CPEB3: variants seen among roughly 807,000 people sequenced by gnomAD.
CPEB3 encodes the protein cytoplasmic polyadenylation element-binding protein 3.
Under a neutral mutation model 67.2 loss-of-function variants are expected in CPEB3, and 20 were observed. The observed-to-expected ratio is 0.30, with a 90% CI of 0.21 to 0.43. The LOEUF (loss-of-function observed/expected upper bound fraction) is 0.43. Among genes scored for constraint, CPEB3 ranks in the 20% least tolerant of loss-of-function variants. CPEB3 has a pLI of 1.00. For synonymous variants in CPEB3, 376 were observed against 393.1 expected, an observed-to-expected ratio of 0.96 and a Z score of 0.51; for missense variants, 746 against 968.6, an observed-to-expected ratio of 0.77 and a Z score of 3.05.
chr10:92,268,991 A>G (rs1452156234), intron 1 of CPEB3, among the ~76,000 whole-genome samples: 1 of 152,210 alleles, frequency 6.6e-6, no homozygotes, highest in Admixed American at 6.5e-5. Context: ...TATAGCTGCA[A>G]TTAAGTCCTC....
intron 7 of CPEB3, among the ~76,000 whole-genome samples, chr10:92,093,438 C>A (rs1043120140): frequency 9.9e-5 from 15 of 151,998 alleles, no homozygotes; most frequent in Non-Finnish European, 2.1e-4. Context: ...GCACCTGTGG[C>A]AATTATACTT....
At chr10:92,238,949 T>A (rs552792982) in intron 2 of CPEB3, among the ~76,000 whole-genome samples, 1 of 152,156 alleles carries the variant, frequency 6.6e-6, no homozygotes, top group Non-Finnish European at 1.5e-5. Flanking sequence ...GAGCTCAGGA[T>A]TGCATAACCT....
chr10:92,288,271 G>T (rs190515028), intron 1 of CPEB3, among the ~76,000 whole-genome samples: 1 of 152,054 alleles, frequency 6.6e-6, no homozygotes, highest in African/African-American at 2.4e-5. Context: ...ACCAGCCTGG[G>T]CAACATGGCA....
chr10:92,270,126 C>T (rs767582171), intron 1 of CPEB3, among the ~76,000 whole-genome samples: 3 of 152,164 alleles, frequency 2.0e-5, no homozygotes, highest in Non-Finnish European at 4.4e-5. Flanking sequence ...AGTAGGGAAA[C>T]AGTACTGAGC....
chr10:92,061,965 G>T (rs1459669039), intron 9 of CPEB3, among the ~76,000 whole-genome samples: 1 of 152,006 alleles, frequency 6.6e-6, no homozygotes, highest in Non-Finnish European at 1.5e-5. Flanking sequence ...AATTTGGCTT[G>T]GCACAGTGGT....
At chr10:92,100,692 C>T (rs1320566447) in intron 7 of CPEB3, among the ~76,000 whole-genome samples, 2 of 152,046 alleles carry the variant, frequency 1.3e-5, no homozygotes, top group African/African-American at 4.8e-5. Context: ...CCCGGGTTCA[C>T]ACCATTCTCC....
At chr10:92,118,691 T>G (rs1317982560) in intron 6 of CPEB3, 2 of 702,014 alleles carry the variant, frequency 2.8e-6, no homozygotes. Flanking sequence ...TGGTCGACAT[T>G]GCCTCCGAGC....
chr10:92,214,312 C>G (rs752664139), intron 2 of CPEB3, among the ~76,000 whole-genome samples: 1 of 152,154 alleles, frequency 6.6e-6, no homozygotes, highest in Non-Finnish European at 1.5e-5. Flanking sequence ...AATGCACCAA[C>G]AAGGCACTAT....
intron 4 of CPEB3, among the ~76,000 whole-genome samples, chr10:92,160,967 G>A (rs182555563): frequency 4.1e-4 from 63 of 152,196 alleles, no homozygotes; most frequent in Non-Finnish European, 6.2e-4. Flanking sequence ...TCTGCTCACC[G>A]CAACCTCTGC....
intron 2 of CPEB3, among the ~76,000 whole-genome samples, chr10:92,208,446 A>G (rs1440415774): frequency 1.3e-5 from 2 of 152,228 alleles, no homozygotes; most frequent in African/African-American, 4.8e-5. Flanking sequence ...TTTATGTAGA[A>G]GAAACTTGCT....
rs575476727 is a variant in CPEB3, at chr10:92,246,052, T to C, written c.-11-5691A>G. Among the ~76,000 whole-genome samples the C allele has an allele frequency of 2.0e-3, 211 of 106,110 alleles. 2 individuals carry two copies. Among genetic ancestry groups the C allele is most frequent in the South Asian group, 0.012 (42 of 3,436 alleles). 69.6% of individuals were successfully genotyped at this position (106,110 alleles called of 152,430 possible). A position where few individuals can be genotyped will look rare whatever the true frequency, so the allele number is the denominator to read the frequency against. ...GACTCCATCTCAAAAATAAATAAAA[T>C]AGGCCAGGCGCGGTGGCTCAAGCCT... is the stretch of plus-strand genomic sequence containing the variant. On this transcript the variant is annotated intron_variant, in intron 1 of 9. Transcript: ENST00000265997.
At chr10:92,227,653 C>T (rs1446863935) in intron 2 of CPEB3, among the ~76,000 whole-genome samples, 15 of 124,666 alleles carry the variant, frequency 1.2e-4, no homozygotes, top group African/African-American at 4.1e-4. Context: ...TGCAGTGGCG[C>T]GATCTCGGCT....
intron 1 of CPEB3, among the ~76,000 whole-genome samples, chr10:92,240,855 T>G (rs1301725387): frequency 7.4e-6 from 1 of 135,892 alleles, no homozygotes; most frequent in Non-Finnish European, 1.6e-5. Flanking sequence ...GCTCGAACAC[T>G]TTTTAAAAAA....
At chr10:92,216,560 G>A in intron 2 of CPEB3, 4 of 1,612,400 alleles carry the variant, frequency 2.5e-6, no homozygotes, top group Non-Finnish European at 3.4e-6. Flanking sequence ...AGGAGAAAAA[G>A]GGATCATGGT....
At chr10:92,212,421 G>A (rs940009976) in intron 2 of CPEB3, among the ~76,000 whole-genome samples, 2 of 151,550 alleles carry the variant, frequency 1.3e-5, no homozygotes, top group Non-Finnish European at 2.9e-5. Flanking sequence ...GCTAATTTTT[G>A]TGTTTTTAAT....
At chr10:92,250,858 A>AGTTTTTTTTTTTTTT (rs1454105127) in intron 1 of CPEB3, among the ~76,000 whole-genome samples, 1 of 104,120 alleles carries the variant, frequency 9.6e-6, no homozygotes, top group Non-Finnish European at 1.9e-5. Context: ...CACACAGTTA[A>AGTTTTTTTTTTTTTT]TTTTTTTTTT....
At chr10:92,152,796 A>T (rs1389517187) in intron 4 of CPEB3, among the ~76,000 whole-genome samples, 8 of 152,130 alleles carry the variant, frequency 5.3e-5, no homozygotes, top group African/African-American at 1.9e-4. Flanking sequence ...ATTTATCACA[A>T]CTGTTAAGAA....
intron 3 of CPEB3, among the ~76,000 whole-genome samples, chr10:92,183,103 G>A (rs1389417843): frequency 6.6e-6 from 1 of 152,046 alleles, no homozygotes; most frequent in Non-Finnish European, 1.5e-5. Flanking sequence ...AATTTTGCTA[G>A]CATTTGTAAT....
intron 8 of CPEB3, among the ~76,000 whole-genome samples, chr10:92,084,214 C>A (rs1843278866): frequency 6.6e-6 from 1 of 150,792 alleles, no homozygotes; most frequent in Non-Finnish European, 1.5e-5. Context: ...GCCAGAGAAG[C>A]ACAAACATTC....
Sources: allele counts gnomAD v4.1 joint callset (sites outside exome capture counted in the v4.1 genomes callset), GRCh38; gene constraint gnomAD v4.1.1; transcripts MANE v1.5; gene names NCBI Gene and HGNC (gene_info 2026-07-23, HGNC 2026-07-21).